Variants in ERBB4 observed in about 807,000 individuals in gnomAD.
ERBB4 encodes erb-b2 receptor tyrosine kinase 4, also known as receptor tyrosine-protein kinase erbB-4.
ERBB4 carries 42 observed loss-of-function variants against 158.0 expected under a neutral mutation model. That is an observed-to-expected ratio of 0.27 (90% CI 0.21 to 0.34). The LOEUF is 0.34. Ranked by LOEUF, ERBB4 falls within the 10% of genes least tolerant of loss-of-function variation. The probability of loss-of-function intolerance (pLI) is 1.00; values close to 1 mark genes in which losing one functional copy is unlikely to be tolerated. For missense variants in ERBB4, 1,333 were observed against 1,624.1 expected (o/e 0.82, Z 3.08); for synonymous variants, 583 against 558.7 (o/e 1.04, Z -0.61).
intron 1 of ERBB4, among the ~76,000 whole-genome samples, chr2:212,288,244 A>G (rs2086071272): frequency 6.6e-6 from 1 of 152,080 alleles, no homozygotes; most frequent in South Asian, 2.1e-4. Flanking sequence ...GTGCTAGTTT[A>G]GACTAGGTTT....
At chr2:211,417,682 TA>T (rs1199472106) in intron 25 of ERBB4, among the ~76,000 whole-genome samples, 1 of 152,176 alleles carries the variant, frequency 6.6e-6, no homozygotes, top group Non-Finnish European at 1.5e-5. Context: ...AAAAGCACTA[TA>T]AAAAATTACT....
At chr2:211,485,615 T>C (rs2125557869) in intron 20 of ERBB4, among the ~76,000 whole-genome samples, 1 of 151,574 alleles carries the variant, frequency 6.6e-6, no homozygotes, top group South Asian at 2.1e-4. Flanking sequence ...TTATCTTATA[T>C]GTATGTCTTG....
intron 1 of ERBB4, among the ~76,000 whole-genome samples, chr2:212,242,157 G>A (rs1020098655): frequency 4.6e-5 from 7 of 151,698 alleles, no homozygotes; most frequent in African/African-American, 1.7e-4. Flanking sequence ...TTATATACCT[G>A]ATTTAAATCA....
intron 15 of ERBB4, among the ~76,000 whole-genome samples, chr2:211,660,905 C>G (rs774518021): frequency 6.6e-6 from 1 of 152,010 alleles, no homozygotes; most frequent in Non-Finnish European, 1.5e-5. Flanking sequence ...AAGAAAGAGG[C>G]GGTGATCATC....
chr2:212,512,129 G>GA (rs1032645040), intron 1 of ERBB4, among the ~76,000 whole-genome samples: 5 of 152,214 alleles, frequency 3.3e-5, no homozygotes, highest in Admixed American at 3.3e-4. Context: ...AGGGATGGGG[G>GA]ACAATTGAAT....
chr2:212,327,549 G>A (rs1344605308), intron 1 of ERBB4, among the ~76,000 whole-genome samples: 1 of 151,842 alleles, frequency 6.6e-6, no homozygotes, highest in African/African-American at 2.4e-5. Context: ...TCCTGGTCTT[G>A]AATTCCCTAT....
At chr2:211,852,197 T>C (rs2106036424) in intron 3 of ERBB4, among the ~76,000 whole-genome samples, 1 of 152,042 alleles carries the variant, frequency 6.6e-6, no homozygotes, top group South Asian at 2.1e-4. Flanking sequence ...AACACTATTT[T>C]CCATACATTG....
At chr2:211,752,873 G>A (rs1326365413) in intron 4 of ERBB4, among the ~76,000 whole-genome samples, 2 of 152,094 alleles carry the variant, frequency 1.3e-5, no homozygotes, top group Non-Finnish European at 2.9e-5. Context: ...ATGAGATTTT[G>A]TTGGTAGTTT....
chr2:212,366,689 C>G (rs929648660), intron 1 of ERBB4, among the ~76,000 whole-genome samples: 3 of 151,940 alleles, frequency 2.0e-5, no homozygotes, highest in Admixed American at 2.0e-4. Flanking sequence ...GCACTTGATA[C>G]TACATTTTGA....
intron 4 of ERBB4, among the ~76,000 whole-genome samples, chr2:211,773,629 T>TATATATATATACATA (rs2075784967): frequency 3.9e-5 from 2 of 51,078 alleles, no homozygotes; most frequent in African/African-American, 2.1e-4. Flanking sequence ...TATATATATA[T>TATATATATATACATA]ATATATATAT....
intron 20 of ERBB4, among the ~76,000 whole-genome samples, chr2:211,461,085 GAA>G (rs34730738): frequency 0.021 from 3,068 of 147,062 alleles, 32 homozygotes; most frequent in African/African-American, 0.038. Flanking sequence ...GAGATTGGGG[GAA>G]AAAAAAAAAA....
Position 211,755,789 on chromosome 2 carries a change from T to TG in ERBB4, c.557-5086dup, listed in dbSNP as rs201908955. Among the ~76,000 whole-genome samples the TG allele has an allele frequency of 4.9e-3, 746 of 152,314 alleles. 30 individuals are homozygous for TG. The highest frequency in any genetic ancestry group is 0.042 in the Admixed American group (644 of 15,294). On this transcript the variant is annotated intron_variant, in intron 4 of 27. Transcript: ENST00000342788. ...GCTTATTTGTGTGACCACCTGCATG[T>TG]GGGATTCACTGTCTACCTCTGTAAT...
intron 2 of ERBB4, among the ~76,000 whole-genome samples, chr2:212,039,598 G>A (rs60885616): frequency 0.22 from 33,265 of 152,094 alleles, 4,135 homozygotes; most frequent in African/African-American, 0.34. Context: ...CTTATGCTGA[G>A]TAGCAATAAT....
chr2:211,828,975 C>G (rs1318593783), intron 3 of ERBB4, among the ~76,000 whole-genome samples: 1 of 152,156 alleles, frequency 6.6e-6, no homozygotes, highest in Non-Finnish European at 1.5e-5. Flanking sequence ...CACTCTCTTT[C>G]CTTCTTTATT....
At chr2:211,982,759 G>A (rs536530146) in intron 2 of ERBB4, among the ~76,000 whole-genome samples, 9 of 152,252 alleles carry the variant, frequency 5.9e-5, no homozygotes, top group African/African-American at 2.2e-4. Context: ...GTGAACAAAT[G>A]GAGGTGCAAA....
chr2:211,740,465 A>G (rs1301074369), intron 5 of ERBB4, among the ~76,000 whole-genome samples: 1 of 151,982 alleles, frequency 6.6e-6, no homozygotes, highest in African/African-American at 2.4e-5. Context: ...TAGTGAACTC[A>G]CATTTATTTT....
chr2:211,415,549 T>C (rs1018055522), intron 25 of ERBB4, among the ~76,000 whole-genome samples: 1 of 152,212 alleles, frequency 6.6e-6, no homozygotes, highest in African/African-American at 2.4e-5. Context: ...AAGATTTGCT[T>C]GCATTTCTTT....
At chr2:211,797,060 TA>T (rs2076397853) in intron 3 of ERBB4, among the ~76,000 whole-genome samples, 1 of 151,902 alleles carries the variant, frequency 6.6e-6, no homozygotes, top group Non-Finnish European at 1.5e-5. Context: ...CAAAGGTATA[TA>T]AAAAGGATGA....
intron 1 of ERBB4, among the ~76,000 whole-genome samples, chr2:212,478,369 A>G (rs1252846982): frequency 1.3e-5 from 2 of 152,116 alleles, no homozygotes; most frequent in Non-Finnish European, 2.9e-5. Flanking sequence ...TAGTACAACT[A>G]GATTCTCTTT....
Sources: allele counts gnomAD v4.1 joint callset (sites outside exome capture counted in the v4.1 genomes callset), GRCh38; gene constraint gnomAD v4.1.1; transcripts MANE v1.5; gene names NCBI Gene and HGNC (gene_info 2026-07-23, HGNC 2026-07-21).